ROBO2: variants seen among roughly 807,000 people sequenced by gnomAD.
ROBO2 encodes roundabout homolog 2.
In ROBO2, 53 loss-of-function variants were observed where a neutral mutation model predicts 160.8. The observed-to-expected ratio is 0.33, with a 90% CI of 0.26 to 0.41. The LOEUF (loss-of-function observed/expected upper bound fraction) is 0.41. Ranked by LOEUF, ROBO2 falls within the 10% of genes least tolerant of loss-of-function variation. The probability of loss-of-function intolerance (pLI) is 1.00; values close to 1 mark genes in which losing one functional copy is unlikely to be tolerated. For missense variants in ROBO2, 1,577 were observed against 1,722.4 expected (o/e 0.92, Z 1.49); for synonymous variants, 664 against 611.7 (o/e 1.09, Z -1.26).
chr3:76,768,743 T>C (rs183797705), intron 2 of ROBO2, among the ~76,000 whole-genome samples: 19 of 151,138 alleles, frequency 1.3e-4, no homozygotes, highest in African/African-American at 4.6e-4. Flanking sequence ...TCTAGATAGT[T>C]TTTAAGTGTA....
At chr3:77,511,628 A>G (rs2089411321) in intron 5 of ROBO2, among the ~76,000 whole-genome samples, 1 of 151,994 alleles carries the variant, frequency 6.6e-6, no homozygotes, top group Non-Finnish European at 1.5e-5. Context: ...TTTTTCAGTC[A>G]GGCCGAAGAG....
At chr3:76,139,561 G>C (rs1489677164) in intron 2 of ROBO2, among the ~76,000 whole-genome samples, 1 of 152,012 alleles carries the variant, frequency 6.6e-6, no homozygotes, top group African/African-American at 2.4e-5. Context: ...GTGGAGTGGA[G>C]AGAGTTCTTA....
At chr3:75,950,604 T>G (rs4856049) in intron 2 of ROBO2, among the ~76,000 whole-genome samples, 1 of 151,902 alleles carries the variant, frequency 6.6e-6, no homozygotes, top group Non-Finnish European at 1.5e-5. Context: ...CTTTGAATAA[T>G]GACATTTCAT....
intron 2 of ROBO2, among the ~76,000 whole-genome samples, chr3:75,976,721 A>C (rs954898945): frequency 6.6e-6 from 1 of 151,608 alleles, no homozygotes; most frequent in Non-Finnish European, 1.5e-5. Flanking sequence ...TTCCATTGTG[A>C]CACAGAGCAT....
chr3:76,268,677 T>G (rs1707243844), intron 2 of ROBO2, among the ~76,000 whole-genome samples: 1 of 152,164 alleles, frequency 6.6e-6, no homozygotes, highest in Non-Finnish European at 1.5e-5. Flanking sequence ...GAATTAGGGT[T>G]CAAGATAGGA....
chr3:77,331,061 G>A (rs764014976), intron 2 of ROBO2, among the ~76,000 whole-genome samples: 6 of 152,116 alleles, frequency 3.9e-5, no homozygotes, highest in African/African-American at 7.2e-5. Flanking sequence ...TTGAATTTGC[G>A]AAGAAAAGAG....
At chr3:76,725,146 C>T (rs3911116) in intron 2 of ROBO2, among the ~76,000 whole-genome samples, 1 of 152,034 alleles carries the variant, frequency 6.6e-6, no homozygotes. Context: ...TTTATTATAG[C>T]GCCCAGAAGG....
At chr3:76,699,017 A>G (rs528715866) in intron 2 of ROBO2, among the ~76,000 whole-genome samples, 2 of 152,308 alleles carry the variant, frequency 1.3e-5, no homozygotes, top group African/African-American at 4.8e-5. Context: ...CCTTATGGAC[A>G]TCTTTCTGAT....
At chr3:77,602,552 A>G (rs747620062) in intron 20 of ROBO2, 61 bp downstream of exon 21, 6 of 1,581,118 alleles carry the variant, frequency 3.8e-6, no homozygotes, top group East Asian at 2.2e-5. Flanking sequence ...TGAGATAGAA[A>G]TTAGTATTTG....
chr3:76,312,544 A>G (rs538602264), intron 2 of ROBO2, among the ~76,000 whole-genome samples: 1 of 152,314 alleles, frequency 6.6e-6, no homozygotes, highest in East Asian at 1.9e-4. Flanking sequence ...ACCCAGAGGA[A>G]TGGTGCTGCA....
intron 2 of ROBO2, among the ~76,000 whole-genome samples, chr3:76,449,403 GA>G (rs1559965229): frequency 6.6e-6 from 1 of 152,004 alleles, no homozygotes; most frequent in East Asian, 1.9e-4. Flanking sequence ...TTTCTAATGG[GA>G]AAGAGATGCT....
intron 2 of ROBO2, among the ~76,000 whole-genome samples, chr3:76,784,632 AG>A (rs1254331645): frequency 1.3e-5 from 2 of 151,206 alleles, no homozygotes; most frequent in African/African-American, 2.4e-5. Context: ...GACAGTATAT[AG>A]GATGCTTGGG....
At chr3:76,596,600 C>T (rs958807259) in intron 2 of ROBO2, among the ~76,000 whole-genome samples, 2 of 152,100 alleles carry the variant, frequency 1.3e-5, no homozygotes, top group African/African-American at 4.8e-5. Flanking sequence ...GCCTTCAAAA[C>T]AAATTTTTGC....
chr3:76,291,040 A>G (rs1436915556), intron 2 of ROBO2, among the ~76,000 whole-genome samples: 2 of 152,120 alleles, frequency 1.3e-5, no homozygotes, highest in African/African-American at 2.4e-5. Flanking sequence ...TGCTATCAGA[A>G]TGATGCTTGC....
rs200578430 is a variant in ROBO2 at position 76,305,757 on chromosome 3, TA to T, written c.109+368167del. Among the ~76,000 whole-genome samples the T allele has an allele frequency of 6.4e-3, 922 of 144,126 alleles. 7 individuals carry two copies. The highest frequency in any genetic ancestry group is 0.021 in the African/African-American group (832 of 39,114). The allele number at this position is 144,126 out of a possible 152,430, so 94.6% of individuals were successfully genotyped here. On this transcript the variant is annotated intron_variant, in intron 2 of 26. Coordinates refer to the ROBO2 transcript ENST00000487694. ...CTGGGTAACAGAGTGGGACTCCATATAAAAAAAAAAAATTGTCCACTTCTAT... is the reference window on the plus strand; with the variant it reads ...CTGGGTAACAGAGTGGGACTCCATATAAAAAAAAAAATTGTCCACTTCTAT...
intron 4 of ROBO2, among the ~76,000 whole-genome samples, chr3:77,489,088 C>T (rs545670706): frequency 6.6e-6 from 1 of 152,128 alleles, no homozygotes; most frequent in Non-Finnish European, 1.5e-5. Context: ...TATGGAAATT[C>T]TCAGAATAAT....
intron 2 of ROBO2, among the ~76,000 whole-genome samples, chr3:77,297,217 G>T (rs1290925648): frequency 6.6e-6 from 1 of 152,030 alleles, no homozygotes; most frequent in Admixed American, 6.6e-5. Context: ...GTGACCTAGG[G>T]ACATTTTTAC....
intron 23 of ROBO2, among the ~76,000 whole-genome samples, chr3:77,622,752 AT>A (rs1025060301): frequency 6.6e-6 from 1 of 152,146 alleles, no homozygotes; most frequent in Non-Finnish European, 1.5e-5. Context: ...TTTAGAAATG[AT>A]CTTTTTTATA....
chr3:76,017,392 C>G (rs2066434201), intron 2 of ROBO2, among the ~76,000 whole-genome samples: 1 of 152,056 alleles, frequency 6.6e-6, no homozygotes, highest in African/African-American at 2.4e-5. Flanking sequence ...CTGCTTTATT[C>G]TTGAGGCTTA....
Sources: allele counts gnomAD v4.1 joint callset (sites outside exome capture counted in the v4.1 genomes callset), GRCh38; gene constraint gnomAD v4.1.1; transcripts MANE v1.5; gene names NCBI Gene and HGNC (gene_info 2026-07-23, HGNC 2026-07-21).